NCOA6: variants seen among roughly 807,000 people sequenced by gnomAD.
NCOA6 encodes nuclear receptor coactivator 6, also known as NRC RAP250.
A neutral mutation model predicts 171.4 loss-of-function variants in NCOA6; 49 were observed. The observed-to-expected ratio is 0.29, with a 90% CI of 0.23 to 0.36. The LOEUF (loss-of-function observed/expected upper bound fraction) is 0.36. Among genes scored for constraint, NCOA6 ranks in the 10% least tolerant of loss-of-function variants. The pLI is 1.00. For synonymous variants in NCOA6, 910 were observed against 927.5 expected, an observed-to-expected ratio of 0.98 and a Z score of 0.34; for missense variants, 2,248 against 2,554.5, an observed-to-expected ratio of 0.88 and a Z score of 2.59.
chr20:34,803,521 C>T (rs543177944), intron 1 of NCOA6, among the ~76,000 whole-genome samples: 82 of 149,854 alleles, frequency 5.5e-4, no homozygotes, highest in Non-Finnish European at 9.5e-4. Flanking sequence ...CTTTTTTCAT[C>T]AAACTGGAAG....
Position 34,782,264 on chromosome 20 carries a change from C to T in NCOA6, c.92G>A (p.Gly31Glu). Residue 31 changes from glycine (G) to glutamate (E), a missense_variant, in exon 3 of 15, where the codon GGA (glycine) becomes GAA (glutamate). Around this residue, in one of 7 missense-constraint regions of NCOA6, gnomAD observed 987 missense variants for 1,104.7 expected, o/e 0.89. Transcript: ENST00000359003. The stretch of plus-strand genomic sequence containing the variant: ...ACTTTTTGTGTCATCATCTTCTAGT[C>T]CAGAGTCAAAATCCATCTCTGAGTC... ...MEDSEMDFDS[G>E]LEDDDTKSDS... 6.2e-7 allele frequency: 1 copy of T among 1,612,610 alleles called. No individual in the cohort carries two copies. The highest frequency in any genetic ancestry group is 2.2e-5 in the East Asian group (1 of 44,746).
At chr20:34,802,096 T>A (rs1378253819) in intron 1 of NCOA6, among the ~76,000 whole-genome samples, 4 of 152,154 alleles carry the variant, frequency 2.6e-5, no homozygotes, top group Admixed American at 2.6e-4. Context: ...CAAAAAAAGA[T>A]GATAGACACA....
At chr20:34,719,427 T>G (rs1989024745) in intron 14 of NCOA6, among the ~76,000 whole-genome samples, 1 of 152,040 alleles carries the variant, frequency 6.6e-6, no homozygotes, top group Non-Finnish European at 1.5e-5. Context: ...GGTCAGGAGT[T>G]CAAGACCAGC....
At chr20:34,747,402 G>A (rs1394627680) in intron 9 of NCOA6, among the ~76,000 whole-genome samples, 1 of 152,188 alleles carries the variant, frequency 6.6e-6, no homozygotes, top group Non-Finnish European at 1.5e-5. Context: ...GGTATTCAGA[G>A]AACAAAGAAA....
At chr20:34,806,146 T>G (rs2078443418) in intron 1 of NCOA6, among the ~76,000 whole-genome samples, 1 of 152,258 alleles carries the variant, frequency 6.6e-6, no homozygotes. Context: ...TGGTTTTGAT[T>G]TGCATTTCTT....
chr20:34,768,382 C>A, intron 5 of NCOA6, 82 bp downstream of exon 5: 2 of 1,541,394 alleles, frequency 1.3e-6, no homozygotes, highest in Non-Finnish European at 1.8e-6. Context: ...TGAACCCCCA[C>A]CTATCTTGCA....
Position 34,742,665 on chromosome 20 carries a change from G to C in NCOA6, c.3591C>G (p.Phe1197Leu). ...TCTGGGTTGGCGCAGCCACATTTGGGAAGTGGTGGCCGTGAGAGCTGGGCA... is the reference window on the plus strand; with the variant it reads ...TCTGGGTTGGCGCAGCCACATTTGGCAAGTGGTGGCCGTGAGAGCTGGGCA... Reference protein sequence around the residue: ...NSLPSSHGHHFPNVAAPTQTS... With the variant: ...NSLPSSHGHHLPNVAAPTQTS... The change falls in exon 11 of 15, where the codon TTC becomes TTG. Residue 1197 changes from phenylalanine (F) to leucine (L), a missense_variant. This residue lies in a region of NCOA6 where 352 missense variants were observed against 419.1 expected (regional missense o/e 0.84). Transcript: ENST00000359003. 6.2e-7 allele frequency: 1 copy of C among 1,614,182 alleles called. No individual in the cohort carries two copies. The highest frequency in any genetic ancestry group is 8.5e-7 in the Non-Finnish European group (1 of 1,180,044).
chr20:34,812,753 C>T (rs1349383163), intron 1 of NCOA6, among the ~76,000 whole-genome samples: 2 of 152,228 alleles, frequency 1.3e-5, no homozygotes, highest in South Asian at 2.1e-4. Context: ...TGGTAGCTCA[C>T]GCCTGTAATC....
chr20:34,819,336 T>C (rs1027841605), intron 1 of NCOA6: 8 of 152,230 alleles, frequency 5.3e-5, no homozygotes, highest in Non-Finnish European at 1.0e-4. Context: ...TATAAATGAA[T>C]ATGGGCTTGC....
intron 10 of NCOA6, among the ~76,000 whole-genome samples, chr20:34,745,602 G>A (rs184559987): frequency 6.6e-6 from 1 of 152,226 alleles, no homozygotes; most frequent in African/African-American, 2.4e-5. Flanking sequence ...ATAAATTAGG[G>A]GTAGATTAAA....
At chr20:34,778,557 A>G (rs1025915108) in intron 3 of NCOA6, among the ~76,000 whole-genome samples, 13 of 151,534 alleles carry the variant, frequency 8.6e-5, no homozygotes, top group Admixed American at 2.0e-4. Flanking sequence ...CCTCCCGAGT[A>G]GCTGGGACTA....
chr20:34,809,850 CA>C (rs2078594608), intron 1 of NCOA6, among the ~76,000 whole-genome samples: 1 of 152,194 alleles, frequency 6.6e-6, no homozygotes, highest in African/African-American at 2.4e-5. Flanking sequence ...CTCCTGTAGT[CA>C]CAGCCACTCG....
At chr20:34,748,499 A>G (rs2076371796) in intron 9 of NCOA6, among the ~76,000 whole-genome samples, 1 of 152,240 alleles carries the variant, frequency 6.6e-6, no homozygotes, top group African/African-American at 2.4e-5. Flanking sequence ...ATTTATTTCA[A>G]TTAACCTGTT....
chr20:34,741,579 A>G lies in NCOA6; in HGVS notation c.4677T>C (p.Leu1559=). 1.2e-6 allele frequency: 2 copies of G among 1,614,250 alleles called. No individual in the cohort carries two copies. The highest frequency in any genetic ancestry group is 1.1e-5 in the South Asian group (1 of 91,080). Residue 1559 remains leucine, a synonymous_variant, in exon 11 of 15, where the codon CTT becomes CTC. Transcript: ENST00000359003. The part of the protein sequence containing the change: ...LPHSNELCSS[L]VHPELSEVSS... Reference sequence around the variant, plus strand: ...TGACCTCACTCAATTCGGGATGCACAAGGGATGAACACAGCTCATTACTGT... The same window carrying G: ...TGACCTCACTCAATTCGGGATGCACGAGGGATGAACACAGCTCATTACTGT...
chr20:34,737,236 C>G (rs1377634746), intron 11 of NCOA6, among the ~76,000 whole-genome samples: 1 of 152,174 alleles, frequency 6.6e-6, no homozygotes. Flanking sequence ...TAGCACTTAG[C>G]AAAAGTGATG....
At chr20:34,821,099 A>G (rs1304950045) in intron 1 of NCOA6, 1 of 133,948 alleles carries the variant, frequency 7.5e-6, no homozygotes, top group Non-Finnish European at 1.7e-5. Flanking sequence ...TTCATTCTCT[A>G]TCATCATATA....
Position 34,746,925 on chromosome 20 carries a change from G to A in NCOA6, c.2796C>T (p.Thr932=). ...CCAGACCAGCTGGGCGAGTATCTGGGGTGCTAAAAAAAAAAAAAAAAAAAA... is the reference window on the plus strand; with the variant it reads ...CCAGACCAGCTGGGCGAGTATCTGGAGTGCTAAAAAAAAAAAAAAAAAAAA... ...KKKNSQQDLN[T]PDTRPAGLEE... is the part of the protein sequence containing the mutation. The change falls in exon 10 of 15, where the codon ACC becomes ACT. Residue 932 remains threonine (T), a synonymous_variant. Transcript: ENST00000359003. 6.8e-7 allele frequency: 1 copy of A among 1,473,284 alleles called. No individual in the cohort carries two copies. The highest frequency in any genetic ancestry group is 9.0e-7 in the Non-Finnish European group (1 of 1,110,396). 91.3% of individuals were successfully genotyped at this position (1,473,284 alleles called of 1,614,324 possible).
At chr20:34,796,674 C>G (rs2078087059) in intron 1 of NCOA6, among the ~76,000 whole-genome samples, 1 of 151,998 alleles carries the variant, frequency 6.6e-6, no homozygotes, top group Non-Finnish European at 1.5e-5. Context: ...AAAAAATTGA[C>G]TGGGTTTTGT....
intron 14 of NCOA6, among the ~76,000 whole-genome samples, chr20:34,721,321 C>T (rs1024721214): frequency 1.4e-5 from 2 of 148,030 alleles, no homozygotes; most frequent in Non-Finnish European, 3.0e-5. Context: ...AGAAGGTGAA[C>T]GAGAACACAT....
Sources: allele counts gnomAD v4.1 joint callset (sites outside exome capture counted in the v4.1 genomes callset), GRCh38; gene constraint gnomAD v4.1.1; regional missense constraint gnomAD v4.1.1; transcripts MANE v1.5; gene names NCBI Gene and HGNC (gene_info 2026-07-23, HGNC 2026-07-21).